Variants in CFH observed in about 807,000 individuals in gnomAD.
CFH encodes the protein complement factor H.
Under a neutral mutation model 147.3 loss-of-function variants are expected in CFH, and 53 were observed. The ratio of observed to expected loss-of-function variants is 0.36; its 90% CI spans 0.29 to 0.45. The LOEUF (loss-of-function observed/expected upper bound fraction) is 0.45, where lower values mean the gene tolerates loss of function less well. CFH is among the 20% of genes least tolerant of loss of function. The pLI is 1.00. For synonymous variants in CFH, 536 were observed against 489.4 expected (o/e 1.10, Z -1.26); for missense variants, 1,380 against 1,498.0 (o/e 0.92, Z 1.30).
At chr1:196,714,938 T>A (rs2149103282) in intron 10 of CFH, among the ~76,000 whole-genome samples, 1 of 151,612 alleles carries the variant, frequency 6.6e-6, no homozygotes, top group Admixed American at 6.6e-5. Context: ...TAATCTCAAA[T>A]GATCCTCCTG....
chr1:196,728,595 TA>T, intron 15 of CFH, 73 bp downstream of exon 15: 1 of 1,440,174 alleles, frequency 6.9e-7, no homozygotes, highest in Non-Finnish European at 9.7e-7. Flanking sequence ...GTGTGTCTTT[TA>T]AAAACTTTAG....
chr1:196,660,020 G>A (rs1176573288), intron 1 of CFH, among the ~76,000 whole-genome samples: 2 of 152,158 alleles, frequency 1.3e-5, no homozygotes, highest in African/African-American at 4.8e-5. Flanking sequence ...GAAAAATTTT[G>A]TGAAGGAGGT....
At chr1:196,746,762 C>T (rs1653023719) in intron 21 of CFH, among the ~76,000 whole-genome samples, 1 of 152,056 alleles carries the variant, frequency 6.6e-6, no homozygotes. Context: ...TGTTTGATTC[C>T]AAGTTCTTAT....
At position 196,652,193 on chromosome 1, in the gene CFH, T is replaced by C. The variant is rs1368781735; in HGVS notation, c.58+18T>C. ...AGCAGAAGGTAAGATTAAAAGAGAC[T>C]CTTTTCTGAAAACTGTATTATGAAA... is the stretch of plus-strand genomic sequence containing the variant. On this transcript the variant is annotated intron_variant, in intron 1 of 21. Transcript: ENST00000367429. The C allele has an allele frequency of 2.5e-6, 4 of 1,574,428 alleles. No homozygotes were observed. The highest frequency in any genetic ancestry group is 2.6e-6 in the Non-Finnish European group (3 of 1,144,362).
At chr1:196,690,774 T>G (rs1293384364) in intron 9 of CFH, among the ~76,000 whole-genome samples, 1 of 152,134 alleles carries the variant, frequency 6.6e-6, no homozygotes, top group Non-Finnish European at 1.5e-5. Context: ...AAAGATTGGT[T>G]AAACTAGGTG....
intron 1 of CFH, among the ~76,000 whole-genome samples, chr1:196,671,104 G>C (rs1667262107): frequency 6.6e-6 from 1 of 152,024 alleles, no homozygotes; most frequent in Non-Finnish European, 1.5e-5. Flanking sequence ...CATCTGACAA[G>C]TTGTTATTTC....
At chr1:196,718,254 TA>T (rs2149104922) in intron 11 of CFH, among the ~76,000 whole-genome samples, 1 of 152,052 alleles carries the variant, frequency 6.6e-6, no homozygotes, top group South Asian at 2.1e-4. Flanking sequence ...ATCCAAGTAA[TA>T]AAAATATTTA....
intron 15 of CFH, among the ~76,000 whole-genome samples, chr1:196,728,733 G>GCACA (rs34018998): frequency 0.022 from 3,159 of 145,130 alleles, 91 homozygotes; most frequent in African/African-American, 0.068. Flanking sequence ...ACACACACAC[G>GCACA]CACACACACA....
intron 1 of CFH, among the ~76,000 whole-genome samples, chr1:196,671,601 C>T (rs1667280841): frequency 6.8e-6 from 1 of 148,048 alleles, no homozygotes; most frequent in Non-Finnish European, 1.5e-5. Flanking sequence ...CACACACACA[C>T]ACACACACAC....
At chr1:196,659,920 A>G (rs2149069028) in intron 1 of CFH, among the ~76,000 whole-genome samples, 1 of 152,362 alleles carries the variant, frequency 6.6e-6, no homozygotes, top group East Asian at 1.9e-4. Flanking sequence ...CGAACTATGA[A>G]AAACATTGTT....
chr1:196,711,448 G>A (rs1044971288), intron 9 of CFH, among the ~76,000 whole-genome samples: 2 of 151,860 alleles, frequency 1.3e-5, no homozygotes, highest in South Asian at 4.1e-4. Context: ...TGTGAAGAGG[G>A]TATTATTACC....
rs377222601 is a variant in CFH at position 196,690,163 on chromosome 1, C to T, written c.1260C>T (p.Tyr420=). The T allele has an allele frequency of 7.4e-5, 119 of 1,613,314 alleles. No individual in the cohort carries two copies. Among genetic ancestry groups the T allele is most frequent in the South Asian group, 3.4e-4 (31 of 91,080 alleles). The part of the protein sequence containing the change: ...KSIDVACHPG[Y]ALPKAQTTVT... Reference sequence around the variant, plus strand: ...TAGACGTTGCCTGCCATCCTGGCTACGCTCTTCCAAAAGCGCAGACCACAG... The same window carrying T: ...TAGACGTTGCCTGCCATCCTGGCTATGCTCTTCCAAAAGCGCAGACCACAG... The change falls in exon 9 of 22, where the codon TAC becomes TAT. Residue 420 remains tyrosine (Y), a synonymous_variant. Coordinates refer to ENST00000367429, the MANE Select transcript of CFH (RefSeq NM_000186.4).
intron 9 of CFH, chr1:196,692,263 A>T (rs759870557): frequency 3.8e-5 from 7 of 183,500 alleles, no homozygotes; most frequent in Non-Finnish European, 6.2e-5. Context: ...TATGGATATG[A>T]CTTTTCACCC....
chr1:196,672,875 A>G, intron 1 of CFH, 103 bp from the exon 2 acceptor site: 2 of 854,110 alleles, frequency 2.3e-6, no homozygotes, highest in Non-Finnish European at 3.7e-6. Flanking sequence ...AAATTTAGAT[A>G]GACCTGTGAC....
At chr1:196,670,408 A>C (rs1008283068) in intron 1 of CFH, among the ~76,000 whole-genome samples, 1 of 152,150 alleles carries the variant, frequency 6.6e-6, no homozygotes. Flanking sequence ...TGTAATCACC[A>C]TAATCCCTGT....
intron 15 of CFH, among the ~76,000 whole-genome samples, chr1:196,730,334 C>G (rs1326720959): frequency 6.6e-6 from 1 of 151,090 alleles, no homozygotes; most frequent in Non-Finnish European, 1.5e-5. Flanking sequence ...AATGGTTTGA[C>G]CCTATGATTG....
At chr1:196,714,601 G>GTA (rs1367099537) in intron 10 of CFH, among the ~76,000 whole-genome samples, 2 of 133,252 alleles carry the variant, frequency 1.5e-5, no homozygotes, top group African/African-American at 5.8e-5. Context: ...AGTAATATGT[G>GTA]TGTGTGTGTG....
At chr1:196,652,239 C>T (rs1356372629) in intron 1 of CFH, 64 bp downstream of exon 1, 9 of 1,253,012 alleles carry the variant, frequency 7.2e-6, no homozygotes, top group Non-Finnish European at 1.0e-5. Flanking sequence ...TGATGCTTTT[C>T]ACAGGAGTAA....
intron 9 of CFH, among the ~76,000 whole-genome samples, chr1:196,712,952 T>A (rs1668759885): frequency 1.3e-5 from 2 of 151,966 alleles, no homozygotes; most frequent in Non-Finnish European, 2.9e-5. Context: ...GAACTCCTCA[T>A]TTTTTATGGC....
Sources: allele counts gnomAD v4.1 joint callset (sites outside exome capture counted in the v4.1 genomes callset), GRCh38; gene constraint gnomAD v4.1.1; transcripts MANE v1.5; gene names NCBI Gene and HGNC (gene_info 2026-07-23, HGNC 2026-07-21).